Variants in LIN28B observed in about 807,000 individuals in gnomAD.
The protein encoded by LIN28B is lin-28 RNA binding posttranscriptional regulator B.
In LIN28B, 5 loss-of-function variants were observed where a neutral mutation model predicts 21.9. The ratio of observed to expected loss-of-function variants is 0.23; its 90% CI spans 0.12 to 0.48. LIN28B has a LOEUF of 0.48. LIN28B is among the 20% of genes least tolerant of loss of function. The probability of loss-of-function intolerance (pLI) is 0.98; values close to 1 mark genes in which losing one functional copy is unlikely to be tolerated. For synonymous variants in LIN28B, 109 were observed against 111.3 expected, an observed-to-expected ratio of 0.98 and a Z score of 0.13; for missense variants, 245 against 310.5, an observed-to-expected ratio of 0.79 and a Z score of 1.58.
chr6:105,010,314 G>C (rs1256218137), intron 2 of LIN28B, among the ~76,000 whole-genome samples: 1 of 149,014 alleles, frequency 6.7e-6, no homozygotes, highest in Non-Finnish European at 1.5e-5. Context: ...AGTGAGCTGA[G>C]ATTATGCTAC....
Position 105,080,651 on chromosome 6 carries a change from T to C in LIN28B, c.*1868T>C, listed in dbSNP as rs1315625990. On this transcript the variant is annotated 3_prime_UTR_variant, in exon 4 of 4. Transcript: ENST00000345080. ...ATATAGCTGTAGAGAAGTACTTCCT[T>C]GCCTTATGTGAGGATTTCAAACTTA... The C allele has an allele frequency of 1.3e-5, 2 of 152,672 alleles. No homozygotes were observed. Among genetic ancestry groups the C allele is most frequent in the African/African-American group, 4.8e-5 (2 of 41,468 alleles). 9.5% of individuals were successfully genotyped at this position (152,672 alleles called of 1,614,324 possible). A position where few individuals can be genotyped will look rare whatever the true frequency, so the allele number is the denominator to read the frequency against.
At chr6:105,057,020 G>A (rs924515986) in intron 3 of LIN28B, among the ~76,000 whole-genome samples, 1 of 152,202 alleles carries the variant, frequency 6.6e-6, no homozygotes, top group Non-Finnish European at 1.5e-5. Context: ...CCACAGAAGA[G>A]TAAGTCTAAT....
intron 3 of LIN28B, among the ~76,000 whole-genome samples, chr6:105,075,316 G>A (rs1439049711): frequency 6.6e-6 from 1 of 152,164 alleles, no homozygotes; most frequent in Non-Finnish European, 1.5e-5. Flanking sequence ...CTAAAATCAT[G>A]TATAGCTTGT....
At chr6:105,069,872 C>T (rs1772297525) in intron 3 of LIN28B, among the ~76,000 whole-genome samples, 1 of 152,022 alleles carries the variant, frequency 6.6e-6, no homozygotes, top group East Asian at 1.9e-4. Context: ...GCTTTTCTGC[C>T]ATCACAACCA....
chr6:105,076,934 A>G (rs1049593752), intron 3 of LIN28B, among the ~76,000 whole-genome samples: 7 of 151,778 alleles, frequency 4.6e-5, no homozygotes, highest in Non-Finnish European at 5.9e-5. Flanking sequence ...TATTTTTTAA[A>G]AACATTATAA....
chr6:105,045,801 C>A (rs551864681), intron 3 of LIN28B: 1 of 152,266 alleles, frequency 6.6e-6, no homozygotes, highest in South Asian at 2.1e-4. Context: ...TTTTCAAAGT[C>A]CAGTTGGTAG....
At chr6:104,987,335 A>G (rs1770368404) in intron 2 of LIN28B, among the ~76,000 whole-genome samples, 1 of 151,976 alleles carries the variant, frequency 6.6e-6, no homozygotes, top group African/African-American at 2.4e-5. Context: ...AAATTTTCTT[A>G]TTGATTCACA....
chr6:104,992,000 G>GA (rs986761669), intron 2 of LIN28B, among the ~76,000 whole-genome samples: 1 of 147,986 alleles, frequency 6.8e-6, no homozygotes, highest in African/African-American at 2.5e-5. Flanking sequence ...GGAGACCGTG[G>GA]AAAGAGGGAG....
At chr6:105,039,556 G>T (rs1771590482) in intron 3 of LIN28B, among the ~76,000 whole-genome samples, 1 of 151,910 alleles carries the variant, frequency 6.6e-6, no homozygotes. Context: ...ATTATGTATG[G>T]ATACTTACAT....
At chr6:105,036,366 C>T (rs527593303) in intron 3 of LIN28B, among the ~76,000 whole-genome samples, 4 of 152,042 alleles carry the variant, frequency 2.6e-5, no homozygotes, top group Non-Finnish European at 2.9e-5. Context: ...AGTAGAATAC[C>T]CAAGTCTTCT....
intron 3 of LIN28B, among the ~76,000 whole-genome samples, chr6:105,073,793 G>T (rs1772375839): frequency 6.6e-6 from 1 of 151,870 alleles, no homozygotes; most frequent in Non-Finnish European, 1.5e-5. Context: ...TATAACTGAT[G>T]AATATTTTCA....
intron 3 of LIN28B, among the ~76,000 whole-genome samples, chr6:105,059,481 G>A (rs555700632): frequency 1.3e-5 from 2 of 152,098 alleles, no homozygotes; most frequent in African/African-American, 4.8e-5. Flanking sequence ...TTTCAGACTC[G>A]CTGTGTCTCC....
intron 2 of LIN28B, among the ~76,000 whole-genome samples, chr6:104,958,641 A>G (rs370543389): frequency 5.9e-5 from 9 of 152,282 alleles, no homozygotes; most frequent in African/African-American, 1.9e-4. Context: ...ATGAAGAAAC[A>G]TGATCATTTT....
chr6:105,035,427 T>G (rs1771503192), intron 3 of LIN28B, among the ~76,000 whole-genome samples: 1 of 152,114 alleles, frequency 6.6e-6, no homozygotes, highest in Admixed American at 6.6e-5. Flanking sequence ...TCTAGATCCT[T>G]TGAGGTCTGT....
At chr6:105,039,707 G>C (rs1315953705) in intron 3 of LIN28B, among the ~76,000 whole-genome samples, 1 of 152,118 alleles carries the variant, frequency 6.6e-6, no homozygotes, top group African/African-American at 2.4e-5. Flanking sequence ...ACCTTCAGTA[G>C]GGTATTCATA....
intron 2 of LIN28B, among the ~76,000 whole-genome samples, chr6:104,947,076 A>G (rs1309385937): frequency 6.6e-6 from 1 of 152,074 alleles, no homozygotes; most frequent in Non-Finnish European, 1.5e-5. Context: ...TGTAGTAGTA[A>G]TTTATTTTTA....
At chr6:105,064,009 AAG>A (rs201113164) in intron 3 of LIN28B, among the ~76,000 whole-genome samples, 1,536 of 152,136 alleles carry the variant, frequency 0.01, 20 homozygotes, top group African/African-American at 0.035. Flanking sequence ...AAGCACTGAG[AAG>A]AAACAAAAAA....
intron 2 of LIN28B, among the ~76,000 whole-genome samples, chr6:104,974,333 A>T (rs1490224608): frequency 6.6e-6 from 1 of 152,010 alleles, no homozygotes; most frequent in Admixed American, 6.6e-5. Context: ...TGCTAAAAAT[A>T]CAAAAATTAG....
rs370269544 is a variant in LIN28B, at chr6:104,958,090, C to G, written c.11-9C>G. 4.5e-6 allele frequency: 7 copies of G among 1,548,554 alleles called. No homozygotes were observed. The highest frequency in any genetic ancestry group is 4.1e-5 in the African/African-American group (3 of 73,162). ...TACAGACTGACTTTTTTGTCCTGTT[C>G]CTTCTCAGGCGGGGCTAGCAAAGGT... On this transcript the variant is annotated splice_polypyrimidine_tract_variant and intron_variant, in intron 1 of 3. Coordinates refer to ENST00000345080, the MANE Select transcript of LIN28B (RefSeq NM_001004317.4).
Sources: gnomAD v4.1 joint callset for allele counts (sites outside exome capture counted in the v4.1 genomes callset) on GRCh38, gnomAD v4.1.1 for gene constraint, MANE v1.5 for transcripts, NCBI Gene and HGNC (gene_info 2026-07-23, HGNC 2026-07-21) for gene names.